The following PTPRD variants were observed in gnomAD, a reference collection of about 807,000 sequenced individuals.
PTPRD encodes the protein protein tyrosine phosphatase receptor type D.
A neutral mutation model predicts 214.5 loss-of-function variants in PTPRD; 34 were observed. The ratio of observed to expected loss-of-function variants is 0.16; its 90% CI spans 0.12 to 0.21. PTPRD has a LOEUF of 0.21. Among genes scored for constraint, PTPRD ranks in the 10% least tolerant of loss-of-function variants. The pLI is 1.00. For synonymous variants in PTPRD, 1,128 were observed against 845.7 expected (o/e 1.33, Z -5.79); for missense variants, 2,545 against 2,398.7 (o/e 1.06, Z -1.27).
chr9:10,054,952 G>T (rs921418569), intron 3 of PTPRD, among the ~76,000 whole-genome samples: 3 of 151,808 alleles, frequency 2.0e-5, no homozygotes, highest in African/African-American at 4.8e-5. Flanking sequence ...ATGAGTGCTG[G>T]GTCTTCATCA....
intron 7 of PTPRD, among the ~76,000 whole-genome samples, chr9:9,649,203 C>T (rs1031732511): frequency 7.9e-5 from 12 of 152,130 alleles, no homozygotes; most frequent in Non-Finnish European, 1.8e-4. Flanking sequence ...TACATTCTGA[C>T]CCTGTGTACA....
intron 34 of PTPRD, among the ~76,000 whole-genome samples, chr9:8,447,883 T>C (rs901791159): frequency 1.3e-5 from 2 of 152,212 alleles, no homozygotes; most frequent in Non-Finnish European, 2.9e-5. Context: ...TCCGTTTTTC[T>C]ATTTCCACAA....
intron 2 of PTPRD, among the ~76,000 whole-genome samples, chr9:10,607,504 T>C (rs548359251): frequency 6.5e-4 from 99 of 151,980 alleles, no homozygotes; most frequent in African/African-American, 2.3e-3. Context: ...TAAAATGCAA[T>C]TGAAGTCTCT....
intron 7 of PTPRD, among the ~76,000 whole-genome samples, chr9:9,642,883 T>C (rs904247915): frequency 2.0e-5 from 3 of 152,192 alleles, no homozygotes; most frequent in African/African-American, 7.2e-5. Context: ...AGCTAGTATG[T>C]TGCAAAAACA....
intron 2 of PTPRD, among the ~76,000 whole-genome samples, chr9:10,400,790 T>C (rs2098257142): frequency 6.6e-6 from 1 of 151,652 alleles, no homozygotes; most frequent in Admixed American, 6.6e-5. Flanking sequence ...TATATATTAT[T>C]GTCCCTCATA....
intron 9 of PTPRD, among the ~76,000 whole-genome samples, chr9:9,338,085 C>G (rs2045301887): frequency 6.6e-6 from 1 of 152,166 alleles, no homozygotes; most frequent in African/African-American, 2.4e-5. Flanking sequence ...AAAATTACAT[C>G]TGAAAAATAT....
intron 5 of PTPRD, among the ~76,000 whole-genome samples, chr9:9,784,540 C>T (rs964674068): frequency 6.6e-6 from 1 of 152,002 alleles, no homozygotes; most frequent in African/African-American, 2.4e-5. Flanking sequence ...CCATGGTAAA[C>T]TTCCATAAGG....
At chr9:9,181,395 G>A (rs1426829171) in intron 10 of PTPRD, among the ~76,000 whole-genome samples, 2 of 151,808 alleles carry the variant, frequency 1.3e-5, no homozygotes, top group Non-Finnish European at 2.9e-5. Flanking sequence ...TTTTGAGAAG[G>A]TGAACTGCTA....
chr9:9,286,910 A>G (rs560945829), intron 9 of PTPRD, among the ~76,000 whole-genome samples: 14 of 33,668 alleles, frequency 4.2e-4, no homozygotes, highest in African/African-American at 1.8e-3. Context: ...ATATATATAT[A>G]TATATATATA....
chr9:8,417,351 A>G (rs947787426), intron 35 of PTPRD, among the ~76,000 whole-genome samples: 1 of 152,172 alleles, frequency 6.6e-6, no homozygotes, highest in Non-Finnish European at 1.5e-5. Context: ...GCGGGAAAAG[A>G]GAGAAAGCTG....
At position 8,636,679 on chromosome 9, in the gene PTPRD, C is replaced by T. The variant is rs1358570311; in HGVS notation, c.210+20G>A. 3.1e-6 allele frequency: 5 copies of T among 1,611,766 alleles called. No individual in the cohort carries two copies. Among genetic ancestry groups the T allele is most frequent in the East Asian group, 2.2e-5 (1 of 44,820 alleles). Reference sequence around the variant, plus strand: ...CAGATACATTCTTCCCCCAGAGAAACAGAACAATGGACCTAATACCTCAAA... The same window carrying T: ...CAGATACATTCTTCCCCCAGAGAAATAGAACAATGGACCTAATACCTCAAA... On this transcript the variant is annotated intron_variant, in intron 13 of 45. Coordinates refer to ENST00000381196, the MANE Select transcript of PTPRD (RefSeq NM_002839.4).
intron 7 of PTPRD, among the ~76,000 whole-genome samples, chr9:9,653,462 G>A (rs1323345143): frequency 7.3e-6 from 1 of 136,526 alleles, no homozygotes; most frequent in Non-Finnish European, 1.6e-5. Flanking sequence ...ACTTAAAAAT[G>A]AATATATTTT....
chr9:9,856,851 A>G (rs960657092), intron 5 of PTPRD, among the ~76,000 whole-genome samples: 1 of 152,224 alleles, frequency 6.6e-6, no homozygotes, highest in Non-Finnish European at 1.5e-5. Flanking sequence ...AAGTGAGCTG[A>G]GAAGGAGAAA....
intron 2 of PTPRD, among the ~76,000 whole-genome samples, chr9:10,446,494 A>AC (rs1365538137): frequency 1.5e-5 from 2 of 134,298 alleles, no homozygotes; most frequent in Non-Finnish European, 3.1e-5. Flanking sequence ...TTTTAGTGGG[A>AC]CCCAATATAC....
At chr9:10,128,846 T>G (rs530977266) in intron 3 of PTPRD, among the ~76,000 whole-genome samples, 6 of 152,272 alleles carry the variant, frequency 3.9e-5, no homozygotes, top group Admixed American at 1.3e-4. Flanking sequence ...CTGGGAGATA[T>G]TACATGTGAC....
chr9:9,686,993 A>G (rs982187774), intron 7 of PTPRD, among the ~76,000 whole-genome samples: 2 of 151,782 alleles, frequency 1.3e-5, no homozygotes, highest in Admixed American at 6.6e-5. Context: ...CCTTATTATT[A>G]CGTTGTGAGC....
intron 5 of PTPRD, among the ~76,000 whole-genome samples, chr9:9,865,447 G>C (rs569658131): frequency 7.2e-5 from 11 of 152,150 alleles, no homozygotes; most frequent in African/African-American, 2.7e-4. Flanking sequence ...ACATATAAGC[G>C]TGCTCAGCCC....
chr9:8,436,965 G>C (rs1271948790), intron 34 of PTPRD, among the ~76,000 whole-genome samples: 1 of 152,174 alleles, frequency 6.6e-6, no homozygotes, highest in Non-Finnish European at 1.5e-5. Flanking sequence ...GAATCAATAA[G>C]GTTAGCTAGT....
intron 6 of PTPRD, among the ~76,000 whole-genome samples, chr9:9,743,934 C>G (rs1284806403): frequency 6.6e-6 from 1 of 152,088 alleles, no homozygotes; most frequent in Non-Finnish European, 1.5e-5. Flanking sequence ...CTTATAGAAA[C>G]AGTGACATTA....
Sources: gnomAD v4.1 joint callset for allele counts (sites outside exome capture counted in the v4.1 genomes callset) on GRCh38, gnomAD v4.1.1 for gene constraint, MANE v1.5 for transcripts, NCBI Gene and HGNC (gene_info 2026-07-23, HGNC 2026-07-21) for gene names.